Variants in FAM227A observed in about 807,000 individuals in gnomAD.
FAM227A encodes the protein family with sequence similarity 227 member A.
FAM227A carries 80 observed loss-of-function variants against 74.7 expected under a neutral mutation model. That is an observed-to-expected ratio of 1.07 (90% CI 0.89 to 1.29). The LOEUF (loss-of-function observed/expected upper bound fraction) is 1.29, where lower values mean the gene tolerates loss of function less well. Among genes scored for constraint, FAM227A ranks in the 50% most tolerant of loss-of-function variants. The probability of loss-of-function intolerance (pLI) is 0.00; values close to 1 mark genes in which losing one functional copy is unlikely to be tolerated. For synonymous variants in FAM227A, 237 were observed against 241.8 expected (o/e 0.98, Z 0.19); for missense variants, 654 against 683.4 (o/e 0.96, Z 0.48).
chr22:38,634,221 CAA>C (rs34039010), intron 6 of FAM227A, among the ~76,000 whole-genome samples: 189 of 62,118 alleles, frequency 3.0e-3, no homozygotes, highest in African/African-American at 0.011. Context: ...GACTCTGTCT[CAA>C]AAAAAAAAAA....
At chr22:38,648,666 C>G (rs1223409171) in intron 2 of FAM227A, among the ~76,000 whole-genome samples, 1 of 149,840 alleles carries the variant, frequency 6.7e-6, no homozygotes, top group East Asian at 1.9e-4. Flanking sequence ...AGAAAATACA[C>G]AACCTGATTT....
chr22:38,635,236 A>T (rs2145642172), intron 6 of FAM227A, among the ~76,000 whole-genome samples: 1 of 151,352 alleles, frequency 6.6e-6, no homozygotes, highest in African/African-American at 2.4e-5. Flanking sequence ...CTCAAAAAAA[A>T]AAAAAAAAAA....
At chr22:38,639,620 GA>G (rs1569233360) in intron 4 of FAM227A, 34 bp downstream of exon 4, 1 of 1,548,580 alleles carries the variant, frequency 6.5e-7, no homozygotes, top group Non-Finnish European at 8.7e-7. Context: ...CAAACCCCAT[GA>G]AAAGAGCATC....
intron 13 of FAM227A, among the ~76,000 whole-genome samples, chr22:38,603,924 T>C (rs1392106933): frequency 6.6e-6 from 1 of 152,166 alleles, no homozygotes; most frequent in African/African-American, 2.4e-5. Flanking sequence ...TTTTATATAA[T>C]CTTAGAATGG....
rs1284756779 is a variant in FAM227A at position 38,605,330 on chromosome 22, AG to A, written c.1144del (p.Leu382TrpfsTer3). 1 of 1,547,432 alleles carries A rather than the reference AG, an allele frequency of 6.5e-7. No individual in the cohort carries two copies. The highest frequency in any genetic ancestry group is 8.8e-7 in the Non-Finnish European group (1 of 1,142,784). On this transcript the variant is annotated frameshift_variant, in exon 13 of 17. Transcript: ENST00000535113. LOFTEE classifies it high-confidence loss of function. ...TTCTTGCGTAGGTTTCTTCAAGACC[AG>A]GGTCTGACAATGATGCTCTGTCAAT... ...NTAKEHHCQT[L>X]VLKKPTQEVK...
At chr22:38,653,253 G>A (rs2092347062) in intron 1 of FAM227A, among the ~76,000 whole-genome samples, 1 of 152,144 alleles carries the variant, frequency 6.6e-6, no homozygotes, top group Non-Finnish European at 1.5e-5. Flanking sequence ...CAGATAGACT[G>A]TCTAGTTCCA....
Position 38,643,449 on chromosome 22 carries a change from G to C in FAM227A, c.225+2114C>G, listed in dbSNP as rs139619713. 5.7e-3 allele frequency among the ~76,000 whole-genome samples: 864 copies of C among 152,182 alleles called. 8 individuals are homozygous for C. The highest frequency in any genetic ancestry group is 0.021 in the Admixed American group (314 of 15,266). On this transcript the variant is annotated intron_variant, in intron 3 of 16. Transcript: ENST00000535113. ...GGGAAATGAAAACTAAAACAGCAATGGGATACCACTACGCAGCAATCAGAA... is the reference window on the plus strand; with the variant it reads ...GGGAAATGAAAACTAAAACAGCAATCGGATACCACTACGCAGCAATCAGAA...
Position 38,645,681 on chromosome 22 carries a change from T to C in FAM227A, c.143-36A>G, listed in dbSNP as rs774281712. The C allele has an allele frequency of 1.7e-5, 23 of 1,359,170 alleles. No homozygotes were observed. In the East Asian group the frequency reaches 5.5e-4, roughly 33 times the overall value. 84.2% of individuals were successfully genotyped at this position (1,359,170 alleles called of 1,614,324 possible). ...AGTCTGCTAAGGAAACTCAGGGTGA[T>C]GATTACACACACAACAGGATGGGGC... On this transcript the variant is annotated intron_variant, in intron 2 of 16. Transcript: ENST00000535113.
intron 2 of FAM227A, among the ~76,000 whole-genome samples, chr22:38,646,244 A>ATTTTTTTT (rs1569240881): frequency 2.2e-5 from 2 of 89,692 alleles, no homozygotes; most frequent in African/African-American, 9.0e-5. Flanking sequence ...TCCTTCCAGT[A>ATTTTTTTT]TTTCTTTTTT....
At chr22:38,631,661 T>C (rs548102284) in intron 6 of FAM227A, among the ~76,000 whole-genome samples, 142 of 152,266 alleles carry the variant, frequency 9.3e-4, no homozygotes, top group Non-Finnish European at 1.5e-3. Context: ...AAGGGGTTTC[T>C]GTGCAGTGGA....
Position 38,605,362 on chromosome 22 carries a change from AT to A in FAM227A, c.1127-15del. 1 of 1,481,934 alleles carries A rather than the reference AT, an allele frequency of 6.7e-7. No individual in the cohort carries two copies. The highest frequency in any genetic ancestry group is 9.2e-7 in the Non-Finnish European group (1 of 1,083,866). The allele number at this position is 1,481,934 out of a possible 1,614,324, so 91.8% of individuals were successfully genotyped here. ...GACAATGATGCTCTGTCAATGTGAC[AT>A]TAGCAAGAAAATGACCATTAGGTTC... On this transcript the variant is annotated splice_polypyrimidine_tract_variant and intron_variant, in intron 12 of 16. Coordinates refer to ENST00000535113, the MANE Select transcript of FAM227A (RefSeq NM_001013647.2).
intron 11 of FAM227A, among the ~76,000 whole-genome samples, chr22:38,610,310 C>T (rs1048470641): frequency 6.6e-6 from 1 of 152,208 alleles, no homozygotes; most frequent in African/African-American, 2.4e-5. Flanking sequence ...CAGGCCTGAG[C>T]CACCACTCCT....
intron 5 of FAM227A, among the ~76,000 whole-genome samples, chr22:38,637,920 A>G (rs1431202020): frequency 6.6e-6 from 1 of 152,242 alleles, no homozygotes; most frequent in African/African-American, 2.4e-5. Context: ...TAATCCCAGC[A>G]CTTTGGGAGG....
rs2090684679 is a variant in FAM227A at position 38,579,081 on chromosome 22, T to C, written c.*7044A>G. On this transcript the variant is annotated 3_prime_UTR_variant, in exon 17 of 17. Coordinates refer to ENST00000535113, the MANE Select transcript of FAM227A (RefSeq NM_001013647.2). The stretch of plus-strand genomic sequence containing the variant: ...CAGTCTGGCTCCAGTGACCATGCTC[T>C]TAACTGACATGCTAAACCACTATAT... The C allele has an allele frequency of 6.6e-6, 1 of 152,200 alleles. No individual in the cohort carries two copies. Among genetic ancestry groups the C allele is most frequent in the South Asian group, 2.1e-4 (1 of 4,832 alleles). The allele number at this position is 152,200 out of a possible 1,614,324, so 9.4% of individuals were successfully genotyped here.
intron 15 of FAM227A, among the ~76,000 whole-genome samples, chr22:38,596,842 G>A (rs1261159275): frequency 1.3e-5 from 2 of 152,062 alleles, no homozygotes; most frequent in Non-Finnish European, 2.9e-5. Context: ...CAGACCAACA[G>A]TATGACTCTA....
chr22:38,624,236 C>T (rs575559840), intron 9 of FAM227A, among the ~76,000 whole-genome samples: 2 of 152,202 alleles, frequency 1.3e-5, no homozygotes, highest in East Asian at 3.9e-4. Flanking sequence ...GAAACCCCAT[C>T]TCTACTAAAA....
chr22:38,654,747 G>T (rs2092366895), intron 1 of FAM227A, among the ~76,000 whole-genome samples: 1 of 145,352 alleles, frequency 6.9e-6, no homozygotes. Context: ...TGGCTAACAT[G>T]GTGAAACCCC....
chr22:38,655,026 G>C (rs2092372615), intron 1 of FAM227A, among the ~76,000 whole-genome samples: 2 of 151,248 alleles, frequency 1.3e-5, no homozygotes, highest in Admixed American at 1.3e-4. Context: ...TGTAGTCCCA[G>C]CTACTTGGGA....
At chr22:38,599,726 T>G in intron 14 of FAM227A, 38 bp downstream of exon 14, 1 of 1,521,344 alleles carries the variant, frequency 6.6e-7, no homozygotes, top group South Asian at 1.3e-5. Context: ...CGCGGGGGCC[T>G]GGAGCAGTGC....
Sources: allele counts gnomAD v4.1 joint callset (sites outside exome capture counted in the v4.1 genomes callset), GRCh38; gene constraint gnomAD v4.1.1; transcripts MANE v1.5; gene names NCBI Gene and HGNC (gene_info 2026-07-23, HGNC 2026-07-21).